Variants in LSAMP observed in about 807,000 individuals in gnomAD.
LSAMP encodes the protein limbic system associated membrane protein, also known as limbic system-associated membrane protein.
A neutral mutation model predicts 38.6 loss-of-function variants in LSAMP; 7 were observed. That is an observed-to-expected ratio of 0.18 (90% confidence interval 0.10 to 0.34). The LOEUF (loss-of-function observed/expected upper bound fraction) is 0.34, where lower values mean the gene tolerates loss of function less well. Among genes scored for constraint, LSAMP ranks in the 10% least tolerant of loss-of-function variants. The probability of loss-of-function intolerance (pLI) is 1.00; values close to 1 mark genes in which losing one functional copy is unlikely to be tolerated. For synonymous variants in LSAMP, 154 were observed against 166.8 expected, an observed-to-expected ratio of 0.92 and a Z score of 0.59; for missense variants, 313 against 420.0, an observed-to-expected ratio of 0.75 and a Z score of 2.23.
intron 3 of LSAMP, among the ~76,000 whole-genome samples, chr3:116,005,684 C>G (rs540533750): frequency 6.6e-6 from 1 of 152,194 alleles, no homozygotes; most frequent in Non-Finnish European, 1.5e-5. Flanking sequence ...AGTAACATAA[C>G]TGCCAATGGT....
intron 1 of LSAMP, among the ~76,000 whole-genome samples, chr3:116,195,726 A>AG (rs1269386459): frequency 1.3e-5 from 2 of 151,840 alleles, no homozygotes; most frequent in Admixed American, 1.3e-4. Flanking sequence ...ATGAAAAAAA[A>AG]AAAACATTTA....
chr3:116,153,390 A>G (rs1309477618), intron 1 of LSAMP, among the ~76,000 whole-genome samples: 1 of 152,164 alleles, frequency 6.6e-6, no homozygotes, highest in Non-Finnish European at 1.5e-5. Context: ...TTTCTCCTGA[A>G]TAATGGCTTT....
At chr3:115,825,539 G>T (rs1934379692) in intron 6 of LSAMP, among the ~76,000 whole-genome samples, 1 of 152,148 alleles carries the variant, frequency 6.6e-6, no homozygotes, top group Non-Finnish European at 1.5e-5. Flanking sequence ...TAAATAACAG[G>T]CTGTCAGTAT....
chr3:116,428,552 C>A (rs2049235580), intron 1 of LSAMP, among the ~76,000 whole-genome samples: 1 of 152,112 alleles, frequency 6.6e-6, no homozygotes, highest in Non-Finnish European at 1.5e-5. Flanking sequence ...CAAGAGACTA[C>A]ACAGACTCAA....
At chr3:116,268,514 T>C (rs1461122) in intron 1 of LSAMP, among the ~76,000 whole-genome samples, 29,042 of 152,102 alleles carry the variant, frequency 0.19, 2,998 homozygotes, top group Admixed American at 0.23. Flanking sequence ...TGTGAATCTG[T>C]AGGCTCATGC....
rs1318904735 is a variant in LSAMP, at chr3:115,804,580, GTTTTTTTTCT to G, written c.*5727_*5736del. The G allele has an allele frequency of 2.6e-4, 40 of 151,614 alleles. 1 individual carries two copies. Among genetic ancestry groups the G allele is most frequent in the Admixed American group, 2.6e-3 (39 of 15,194 alleles). The allele number at this position is 151,614 out of a possible 1,614,324, so 9.4% of individuals were successfully genotyped here. ...ACATGAGCCCTTAAAACTCCTTCCT[GTTTTTTTTCT>G]TTTTTTTTCTCTTAGGTAGATTAGT... is the stretch of plus-strand genomic sequence containing the variant. On this transcript the variant is annotated 3_prime_UTR_variant, in exon 7 of 7. Coordinates refer to ENST00000490035, the MANE Select transcript of LSAMP (RefSeq NM_002338.5).
chr3:115,874,088 T>C (rs1437348065), intron 3 of LSAMP, among the ~76,000 whole-genome samples: 3 of 152,192 alleles, frequency 2.0e-5, no homozygotes, highest in Non-Finnish European at 4.4e-5. Context: ...TATATTTACA[T>C]CTAATGAAGA....
At chr3:116,197,867 G>A (rs1214918213) in intron 1 of LSAMP, among the ~76,000 whole-genome samples, 1 of 152,050 alleles carries the variant, frequency 6.6e-6, no homozygotes, top group East Asian at 1.9e-4. Context: ...ATAATAGGAT[G>A]TATAGTATTG....
intron 1 of LSAMP, among the ~76,000 whole-genome samples, chr3:116,296,806 C>A (rs74711236): frequency 0.02 from 3,055 of 150,102 alleles, 100 homozygotes; most frequent in African/African-American, 0.07. Flanking sequence ...AAGTTGAAGG[C>A]ATAACCCTTA....
chr3:116,195,707 GA>G (rs888963855), intron 1 of LSAMP, among the ~76,000 whole-genome samples: 33 of 73,978 alleles, frequency 4.5e-4, no homozygotes, highest in East Asian at 3.0e-3. Context: ...AAGTCTTTTA[GA>G]AAAAAAAATG....
intron 1 of LSAMP, among the ~76,000 whole-genome samples, chr3:116,313,603 A>G (rs1276160074): frequency 6.6e-6 from 1 of 152,228 alleles, no homozygotes; most frequent in African/African-American, 2.4e-5. Context: ...AGGTTGGTTC[A>G]TAGGCCTCTT....
intron 1 of LSAMP, among the ~76,000 whole-genome samples, chr3:116,190,810 A>G (rs563810637): frequency 2.0e-5 from 3 of 152,238 alleles, no homozygotes; most frequent in African/African-American, 7.2e-5. Context: ...ATGCCCTCCC[A>G]TCTTGGGCAT....
At chr3:116,374,802 C>G (rs1191533983) in intron 1 of LSAMP, among the ~76,000 whole-genome samples, 2 of 151,846 alleles carry the variant, frequency 1.3e-5, no homozygotes, top group African/African-American at 4.8e-5. Flanking sequence ...GCAACTGACC[C>G]TAGACTCAAG....
intron 3 of LSAMP, among the ~76,000 whole-genome samples, chr3:116,004,890 T>A (rs1271734278): frequency 6.6e-6 from 1 of 152,084 alleles, no homozygotes; most frequent in Non-Finnish European, 1.5e-5. Context: ...ATTCATAGAA[T>A]CACACATGGG....
At chr3:115,897,687 A>G (rs1024927963) in intron 3 of LSAMP, among the ~76,000 whole-genome samples, 6 of 152,148 alleles carry the variant, frequency 3.9e-5, no homozygotes, top group African/African-American at 1.4e-4. Context: ...GAAAACAGAA[A>G]GAAGGGTGTG....
chr3:116,408,359 C>A (rs1411157573), intron 1 of LSAMP, among the ~76,000 whole-genome samples: 3 of 151,976 alleles, frequency 2.0e-5, no homozygotes, highest in Admixed American at 6.6e-5. Context: ...TAACTAAAAT[C>A]AAAAATTTAT....
intron 6 of LSAMP, among the ~76,000 whole-genome samples, chr3:115,817,136 CT>C (rs1266675290): frequency 6.6e-6 from 1 of 152,194 alleles, no homozygotes; most frequent in East Asian, 1.9e-4. Flanking sequence ...TCCCCTAGAT[CT>C]TTGTATTGAT....
intron 1 of LSAMP, among the ~76,000 whole-genome samples, chr3:116,315,661 A>G (rs2047618855): frequency 6.6e-6 from 1 of 152,218 alleles, no homozygotes; most frequent in African/African-American, 2.4e-5. Context: ...AGTGTCTGCT[A>G]TGTTTTAAGG....
chr3:116,043,862 C>T (rs779483599), intron 2 of LSAMP, among the ~76,000 whole-genome samples: 1 of 152,220 alleles, frequency 6.6e-6, no homozygotes, highest in Non-Finnish European at 1.5e-5. Context: ...AGGAGAATGG[C>T]GTGAACCGGT....
Sources: allele counts gnomAD v4.1 joint callset (sites outside exome capture counted in the v4.1 genomes callset), GRCh38; gene constraint gnomAD v4.1.1; transcripts MANE v1.5; gene names NCBI Gene and HGNC (gene_info 2026-07-23, HGNC 2026-07-21).